Variants in CSMD2 observed in about 807,000 individuals in gnomAD.
CSMD2 encodes the protein CUB and Sushi multiple domains 2.
Under a neutral mutation model 398.5 loss-of-function variants are expected in CSMD2, and 130 were observed. That is an observed-to-expected ratio of 0.33 (90% CI 0.28 to 0.38). CSMD2 has a LOEUF of 0.38. Ranked by LOEUF, CSMD2 falls within the 10% of genes least tolerant of loss-of-function variation. The pLI is 1.00. For missense variants in CSMD2, 3,829 were observed against 4,764.9 expected, an observed-to-expected ratio of 0.80 and a Z score of 5.78; for synonymous variants, 1,828 against 1,908.5, an observed-to-expected ratio of 0.96 and a Z score of 1.10.
chr1:33,861,432 T>C (rs894663879), intron 5 of CSMD2: 8 of 152,198 alleles, frequency 5.3e-5, no homozygotes, highest in African/African-American at 1.7e-4. Context: ...ATTTACTACC[T>C]GGCCCTCTAG....
In CSMD2 at chr1:34,142,041, G is replaced by A. The variant is rs1000999742; in HGVS notation, c.187+22870C>T. Among the ~76,000 whole-genome samples, 7 of 152,152 alleles carry A rather than the reference G, an allele frequency of 4.6e-5. No homozygotes were observed. In the South Asian group the frequency reaches 1.2e-3, roughly 27 times the overall value. ...ACTGCTCTGATGTGCCTCCCTCATA[G>A]AAATGTGAGCTCCTTAAGGCAGGGA... On this transcript the variant is annotated intron_variant, in intron 1 of 70. Transcript: ENST00000373381.
At chr1:34,032,573 G>T in intron 3 of CSMD2, 21 bp downstream of exon 3, 1 of 1,486,260 alleles carries the variant, frequency 6.7e-7, no homozygotes, top group East Asian at 2.4e-5. Context: ...GGCTCCTGTG[G>T]CCGATGAGGG....
rs1299337278 is a variant in CSMD2 at position 33,724,319 on chromosome 1, GA to G, written c.2885-7del. The G allele has an allele frequency of 6.2e-7, 1 of 1,603,982 alleles. No individual in the cohort carries two copies. The highest frequency in any genetic ancestry group is 2.2e-5 in the East Asian group (1 of 44,832). ...AATGAAGCCACCACAGAGAGCTACAGAAGGAGTGAAGAGGGCAGTGAAAGAC... is the reference window on the plus strand; with the variant it reads ...AATGAAGCCACCACAGAGAGCTACAGAGGAGTGAAGAGGGCAGTGAAAGAC... On this transcript the variant is annotated splice_region_variant and splice_polypyrimidine_tract_variant and intron_variant, in intron 18 of 70. Transcript: ENST00000373381.
intron 5 of CSMD2, among the ~76,000 whole-genome samples, chr1:33,892,095 A>T (rs1642063434): frequency 1.5e-5 from 1 of 65,144 alleles, no homozygotes; most frequent in Non-Finnish European, 4.6e-5. Flanking sequence ...GACACCATCA[A>T]AAAAAAAATG....
At chr1:34,067,450 A>C (rs1655240283) in intron 2 of CSMD2, among the ~76,000 whole-genome samples, 1 of 152,170 alleles carries the variant, frequency 6.6e-6, no homozygotes, top group Non-Finnish European at 1.5e-5. Flanking sequence ...CAAACTCTAC[A>C]AAGGATGGGC....
chr1:33,521,417 T>TA, intron 68 of CSMD2, 46 bp downstream of exon 68: 14 of 1,082,926 alleles, frequency 1.3e-5, no homozygotes, highest in Admixed American at 1.7e-5. Context: ...ACGGTTTCTC[T>TA]CCCACCCACC....
chr1:34,070,774 A>G (rs1655658194), intron 2 of CSMD2, among the ~76,000 whole-genome samples: 1 of 147,280 alleles, frequency 6.8e-6, no homozygotes, highest in Admixed American at 7.1e-5. Flanking sequence ...AAGCTTCTTT[A>G]TTGTCCAGAT....
At chr1:33,542,999 C>T (rs532765835) in intron 57 of CSMD2, 103 bp from the exon 58 acceptor site, 13 of 911,330 alleles carry the variant, frequency 1.4e-5, no homozygotes, top group African/African-American at 1.3e-4. Flanking sequence ...CTCGGGACCT[C>T]GTGGATAGAA....
At chr1:33,928,360 T>A (rs1341977630) in intron 4 of CSMD2, among the ~76,000 whole-genome samples, 1 of 152,172 alleles carries the variant, frequency 6.6e-6, no homozygotes, top group Admixed American at 6.5e-5. Context: ...GACCTGGTAC[T>A]TAGTTAGGGC....
At chr1:33,608,437 G>A (rs937104309) in intron 41 of CSMD2, among the ~76,000 whole-genome samples, 4 of 152,188 alleles carry the variant, frequency 2.6e-5, no homozygotes, top group African/African-American at 9.7e-5. Context: ...AGGTCTCAGG[G>A]AGAGAGCACT....
chr1:33,847,863 AG>A (rs1638388915), intron 5 of CSMD2, among the ~76,000 whole-genome samples: 1 of 152,148 alleles, frequency 6.6e-6, no homozygotes, highest in African/African-American at 2.4e-5. Flanking sequence ...GGATTAAATG[AG>A]ATAATACACA....
chr1:33,957,611 C>T (rs11802682), intron 3 of CSMD2, among the ~76,000 whole-genome samples: 5,177 of 152,234 alleles, frequency 0.034, 308 homozygotes, highest in African/African-American at 0.12. Context: ...CTACACAATC[C>T]TATCCCACTC....
chr1:33,966,473 G>C (rs1389051089), intron 3 of CSMD2, among the ~76,000 whole-genome samples: 1 of 152,236 alleles, frequency 6.6e-6, no homozygotes, highest in East Asian at 1.9e-4. Flanking sequence ...ACCTTCTCAG[G>C]ATCTTGGGTT....
At chr1:33,924,672 T>C (rs1254305345) in intron 4 of CSMD2, among the ~76,000 whole-genome samples, 1 of 152,204 alleles carries the variant, frequency 6.6e-6, no homozygotes, top group Non-Finnish European at 1.5e-5. Context: ...GTATAAGAGC[T>C]CCCTTTTCTC....
At chr1:33,827,987 A>G (rs983195526) in intron 6 of CSMD2, among the ~76,000 whole-genome samples, 1 of 152,190 alleles carries the variant, frequency 6.6e-6, no homozygotes, top group African/African-American at 2.4e-5. Flanking sequence ...GCTCACAGTA[A>G]TCAGATATGC....
intron 28 of CSMD2, among the ~76,000 whole-genome samples, chr1:33,648,413 G>C (rs1024363437): frequency 6.6e-6 from 1 of 151,368 alleles, no homozygotes; most frequent in Non-Finnish European, 1.5e-5. Flanking sequence ...AAAAATGTGG[G>C]ATCAAGATCC....
At chr1:34,056,854 A>T (rs1455436361) in intron 2 of CSMD2, among the ~76,000 whole-genome samples, 2 of 152,206 alleles carry the variant, frequency 1.3e-5, no homozygotes, top group Non-Finnish European at 2.9e-5. Flanking sequence ...AAGGCAGCTG[A>T]GAAAGGGGAC....
chr1:33,654,984 C>T (rs181385864), intron 27 of CSMD2, among the ~76,000 whole-genome samples: 3 of 152,376 alleles, frequency 2.0e-5, no homozygotes, highest in East Asian at 1.9e-4. Flanking sequence ...TCCATGGCAT[C>T]GGGCATGGGC....
Position 33,537,681 on chromosome 1 carries a change from A to G in CSMD2, c.9632-72T>C. 6.8e-7 allele frequency: 1 copy of G among 1,467,416 alleles called. No individual in the cohort carries two copies. Among genetic ancestry groups the G allele is most frequent in the Non-Finnish European group, 9.2e-7 (1 of 1,087,086 alleles). The allele number at this position is 1,467,416 out of a possible 1,614,324, so 90.9% of individuals were successfully genotyped here. ...CCCAATCTTCCAGTCCCACACCCCC[A>G]TCTTTGTTCTTTGCACTGCTCCCTT... is the stretch of plus-strand genomic sequence containing the variant. On this transcript the variant is annotated intron_variant, in intron 60 of 70. Transcript: ENST00000373381. The surrounding 1 kb of genome is among the most constrained non-coding windows in gnomAD (Gnocchi z 4.6).
Sources: gnomAD v4.1 joint callset for allele counts (sites outside exome capture counted in the v4.1 genomes callset) on GRCh38, gnomAD v4.1.1 for gene constraint, Gnocchi (gnomAD v3.1) non-coding constraint, MANE v1.5 for transcripts, NCBI Gene and HGNC (gene_info 2026-07-23, HGNC 2026-07-21) for gene names.